The following SUGCT variants were observed in gnomAD, a reference collection of about 807,000 sequenced individuals.
SUGCT encodes the protein succinyl-CoA:glutarate-CoA transferase.
SUGCT carries 41 observed loss-of-function variants against 55.0 expected under a neutral mutation model. That is an observed-to-expected ratio of 0.74 (90% confidence interval 0.58 to 0.97). The LOEUF is 0.97. SUGCT is among the 50% of genes least tolerant of loss of function. The pLI, the probability that SUGCT is intolerant of heterozygous loss-of-function variation, is 0.00. For missense variants in SUGCT, 568 were observed against 547.8 expected (o/e 1.04, Z -0.37); for synonymous variants, 187 against 200.4 (o/e 0.93, Z 0.56).
At chr7:40,564,219 C>G (rs893362370) in intron 12 of SUGCT, among the ~76,000 whole-genome samples, 1 of 151,966 alleles carries the variant, frequency 6.6e-6, no homozygotes, top group African/African-American at 2.4e-5. Flanking sequence ...TAAAAAAATA[C>G]AAAAAAATTA....
At chr7:40,415,080 C>CTATT (rs1786911022) in intron 9 of SUGCT, among the ~76,000 whole-genome samples, 1 of 140,484 alleles carries the variant, frequency 7.1e-6, no homozygotes, top group Non-Finnish European at 1.5e-5. Flanking sequence ...ATCTATCTAT[C>CTATT]TATCTATCTA....
chr7:40,801,261 C>G (rs981970663), intron 13 of SUGCT, among the ~76,000 whole-genome samples: 9 of 152,278 alleles, frequency 5.9e-5, no homozygotes, highest in Admixed American at 1.3e-4. Context: ...TTTTCCCCCA[C>G]CTGCAGAAAT....
At chr7:40,226,533 ACT>A (rs990034686) in intron 6 of SUGCT, among the ~76,000 whole-genome samples, 50 of 152,034 alleles carry the variant, frequency 3.3e-4, no homozygotes, top group African/African-American at 1.2e-3. Flanking sequence ...TTCTGAATTA[ACT>A]CTATAAAAGT....
At chr7:41,038,353 C>T in the SUGCT span, among the ~76,000 whole-genome samples, 2 of 152,210 alleles carry the variant, frequency 1.3e-5, no homozygotes, top group Non-Finnish European at 2.9e-5. Flanking sequence ...AGGCAGCAAA[C>T]AGAGGCCTTG....
intron 12 of SUGCT, among the ~76,000 whole-genome samples, chr7:40,711,000 G>A (rs1021744844): frequency 6.6e-6 from 1 of 152,170 alleles, no homozygotes; most frequent in Admixed American, 6.5e-5. Flanking sequence ...TGCCTGAGTT[G>A]GTTGATATAC....
chr7:40,356,975 G>T (rs1052594454), intron 9 of SUGCT, among the ~76,000 whole-genome samples: 15 of 152,226 alleles, frequency 9.9e-5, no homozygotes, highest in East Asian at 9.7e-4. Flanking sequence ...TTTACTGAAA[G>T]ATTAATATTT....
At chr7:40,613,755 C>T (rs1028468754) in intron 12 of SUGCT, among the ~76,000 whole-genome samples, 6 of 152,068 alleles carry the variant, frequency 3.9e-5, no homozygotes, top group African/African-American at 1.2e-4. Flanking sequence ...GGATTACAGG[C>T]GCCTGCCACC....
In SUGCT at chr7:40,524,579, A is replaced by G. The variant is rs369475001; in HGVS notation, c.1089+28193A>G. 1.3e-5 allele frequency among the ~76,000 whole-genome samples: 2 copies of G among 151,948 alleles called. 1 individual carries two copies. The highest frequency in any genetic ancestry group is 3.9e-4 in the East Asian group (2 of 5,188). On this transcript the variant is annotated intron_variant, in intron 12 of 13. Coordinates refer to ENST00000335693, the MANE Select transcript of SUGCT (RefSeq NM_001193313.2). ...CCTCTTCTTCTTTGCTTTTTTCTGA[A>G]CATTGTTTTTAAGGGAATGCTGTAT...
chr7:40,975,759 G>A, the SUGCT span, among the ~76,000 whole-genome samples: 1 of 152,222 alleles, frequency 6.6e-6, no homozygotes, highest in Non-Finnish European at 1.5e-5. Flanking sequence ...TTAGATGCAA[G>A]GGAGAGAGGA....
intron 12 of SUGCT, among the ~76,000 whole-genome samples, chr7:40,537,292 C>T (rs936062103): frequency 5.3e-5 from 8 of 152,126 alleles, no homozygotes; most frequent in Admixed American, 5.2e-4. Context: ...GCTGTGTTCC[C>T]TGTCCCATCT....
chr7:40,915,820 T>C, the SUGCT span, among the ~76,000 whole-genome samples: 3 of 152,250 alleles, frequency 2.0e-5, no homozygotes, highest in Non-Finnish European at 4.4e-5. Context: ...TAAAATAGAA[T>C]TTGATACATG....
At chr7:40,925,038 G>T in the SUGCT span, among the ~76,000 whole-genome samples, 1 of 152,110 alleles carries the variant, frequency 6.6e-6, no homozygotes. Flanking sequence ...CTCCAAGTCT[G>T]GTGTATACAC....
chr7:40,978,692 A>G, the SUGCT span, among the ~76,000 whole-genome samples: 3 of 152,218 alleles, frequency 2.0e-5, no homozygotes, highest in Admixed American at 6.5e-5. Context: ...AGCCAAGAGC[A>G]TGAGTGGTCC....
Position 40,365,348 on chromosome 7 carries a change from G to C in SUGCT, c.816+48493G>C, listed in dbSNP as rs547188132. 8.6e-5 allele frequency among the ~76,000 whole-genome samples: 13 copies of C among 151,810 alleles called. No individual in the cohort carries two copies. In the East Asian group the frequency reaches 1.5e-3, roughly 18 times the overall value. ...ACTGGAAGCATTCCCTTTGAAAACT[G>C]GCACAAGACAGGGATGCCCTCTCTC... On this transcript the variant is annotated intron_variant, in intron 9 of 13. Coordinates refer to ENST00000335693, the MANE Select transcript of SUGCT (RefSeq NM_001193313.2).
chr7:40,894,516 C>T, the SUGCT span, among the ~76,000 whole-genome samples: 1 of 152,138 alleles, frequency 6.6e-6, no homozygotes, highest in African/African-American at 2.4e-5. Context: ...AAATTATCAA[C>T]AGAGTAAACA....
chr7:40,266,714 A>G (rs1462311900), intron 7 of SUGCT, among the ~76,000 whole-genome samples: 10 of 152,118 alleles, frequency 6.6e-5, no homozygotes, highest in Admixed American at 6.6e-4. Flanking sequence ...ATGACAGAGT[A>G]TAAGAAAATA....
intron 12 of SUGCT, among the ~76,000 whole-genome samples, chr7:40,522,097 C>A (rs534858424): frequency 6.6e-6 from 1 of 152,128 alleles, no homozygotes; most frequent in Admixed American, 6.6e-5. Context: ...GAAAAGACTT[C>A]CCCTTTTCTG....
intron 13 of SUGCT, among the ~76,000 whole-genome samples, chr7:40,835,703 G>A (rs560284387): frequency 3.9e-5 from 6 of 152,154 alleles, no homozygotes; most frequent in African/African-American, 1.4e-4. Context: ...ACATATTTAT[G>A]GATTTGAAGT....
At chr7:40,544,570 C>T (rs77089669) in intron 12 of SUGCT, among the ~76,000 whole-genome samples, 102 of 151,746 alleles carry the variant, frequency 6.7e-4, no homozygotes, top group African/African-American at 2.3e-3. Flanking sequence ...AATACTCTAT[C>T]GCTTGTGTAA....
Sources: allele counts gnomAD v4.1 joint callset (sites outside exome capture counted in the v4.1 genomes callset), GRCh38; gene constraint gnomAD v4.1.1; transcripts MANE v1.5; gene names NCBI Gene and HGNC (gene_info 2026-07-23, HGNC 2026-07-21).